PTPRD: variants seen among roughly 807,000 people sequenced by gnomAD.
PTPRD encodes the protein receptor-type tyrosine-protein phosphatase delta.
PTPRD carries 34 observed loss-of-function variants against 214.5 expected under a neutral mutation model. That is an observed-to-expected ratio of 0.16 (90% CI 0.12 to 0.21). PTPRD has a LOEUF of 0.21. Among genes scored for constraint, PTPRD ranks in the 10% least tolerant of loss-of-function variants. The pLI is 1.00. For missense variants in PTPRD, 2,545 were observed against 2,398.7 expected (o/e 1.06, Z -1.27); for synonymous variants, 1,128 against 845.7 (o/e 1.33, Z -5.79).
intron 43 of PTPRD, among the ~76,000 whole-genome samples, 164 bp from the exon 44 acceptor site, chr9:8,331,900 A>G (rs1841633589): frequency 6.6e-6 from 1 of 151,320 alleles, no homozygotes; most frequent in Admixed American, 6.6e-5. Flanking sequence ...TATCTGCTAT[A>G]AATATTGTCC....
At chr9:8,434,367 A>T (rs1457711480) in intron 35 of PTPRD, among the ~76,000 whole-genome samples, 1 of 152,148 alleles carries the variant, frequency 6.6e-6, no homozygotes, top group East Asian at 1.9e-4. Context: ...GCTGTAAAGG[A>T]TTGTAGCCTA....
rs2091418143 is a variant in PTPRD at position 10,243,031 on chromosome 9, CT to C, written c.-545+97931del. Among the ~76,000 whole-genome samples the C allele has an allele frequency of 2.0e-5, 3 of 152,036 alleles. No individual in the cohort carries two copies. In the South Asian group the frequency reaches 6.2e-4, roughly 32 times the overall value. ...TTCATACACATTTCTGGTTTTGTAA[CT>C]GCCTCTAAACTATAACTTTGATTTA... On this transcript the variant is annotated intron_variant, in intron 3 of 45. Coordinates refer to ENST00000381196, the MANE Select transcript of PTPRD (RefSeq NM_002839.4).
Position 9,242,635 on chromosome 9 carries a change from G to C in PTPRD, c.-202-59272C>G, listed in dbSNP as rs1303168728. ...CCCTTTCTTCCAGTTGATCGAATCA[G>C]CTACTGAAGCTTGTGCATTCGTCAC... is the stretch of plus-strand genomic sequence containing the variant. On this transcript the variant is annotated intron_variant, in intron 9 of 45. Coordinates refer to ENST00000381196, the MANE Select transcript of PTPRD (RefSeq NM_002839.4). Among the ~76,000 whole-genome samples the C allele has an allele frequency of 3.3e-5, 5 of 152,214 alleles. No individual in the cohort carries two copies. In the East Asian group the frequency reaches 9.7e-4, roughly 30 times the overall value.
chr9:8,483,216 T>C (rs1442663361), intron 30 of PTPRD, among the ~76,000 whole-genome samples: 2 of 152,246 alleles, frequency 1.3e-5, no homozygotes, highest in Non-Finnish European at 2.9e-5. Flanking sequence ...TATGCTGTGC[T>C]ACATTCAAAC....
chr9:9,408,977 G>C (rs2074477445), intron 8 of PTPRD, among the ~76,000 whole-genome samples: 1 of 151,898 alleles, frequency 6.6e-6, no homozygotes, highest in Non-Finnish European at 1.5e-5. Flanking sequence ...CCTTTTAAAA[G>C]ATCAGTATTT....
intron 9 of PTPRD, among the ~76,000 whole-genome samples, chr9:9,390,039 C>T (rs1353686019): frequency 1.3e-5 from 2 of 152,156 alleles, no homozygotes; most frequent in African/African-American, 4.8e-5. Context: ...GGTAGGGTGA[C>T]ATTTCAGCAG....
At chr9:9,476,336 G>A (rs1298366094) in intron 8 of PTPRD, among the ~76,000 whole-genome samples, 1 of 152,144 alleles carries the variant, frequency 6.6e-6, no homozygotes, top group Non-Finnish European at 1.5e-5. Flanking sequence ...GAATTACATG[G>A]TGTGAACAAA....
At chr9:9,572,850 C>A in intron 8 of PTPRD, among the ~76,000 whole-genome samples, 1 of 151,408 alleles carries the variant, frequency 6.6e-6, no homozygotes, top group East Asian at 1.9e-4. Context: ...TATAATACCC[C>A]TATTCACATA....
At chr9:9,349,970 G>A (rs528345533) in intron 9 of PTPRD, among the ~76,000 whole-genome samples, 4 of 152,168 alleles carry the variant, frequency 2.6e-5, no homozygotes, top group African/African-American at 7.2e-5. Context: ...AGGCTATCCA[G>A]TATCAGCATA....
At chr9:10,192,975 T>C (rs956969115) in intron 3 of PTPRD, among the ~76,000 whole-genome samples, 3 of 152,174 alleles carry the variant, frequency 2.0e-5, no homozygotes, top group Admixed American at 2.0e-4. Context: ...AAAATCCTTT[T>C]CTAGTATTTA....
chr9:9,155,111 T>C (rs1027924894), intron 10 of PTPRD, among the ~76,000 whole-genome samples: 3 of 152,186 alleles, frequency 2.0e-5, no homozygotes, highest in African/African-American at 7.2e-5. Flanking sequence ...TCTTATGTAG[T>C]ACGAAATGAC....
chr9:10,326,378 T>C (rs907206908), intron 3 of PTPRD, among the ~76,000 whole-genome samples: 3 of 151,774 alleles, frequency 2.0e-5, no homozygotes, highest in Non-Finnish European at 3.0e-5. Flanking sequence ...TGTGAATACA[T>C]TGATTTATTA....
At chr9:8,519,629 C>T (rs1236967774) in intron 20 of PTPRD, among the ~76,000 whole-genome samples, 1 of 152,134 alleles carries the variant, frequency 6.6e-6, no homozygotes, top group South Asian at 2.1e-4. Context: ...GCCTAGAATG[C>T]TGCCTGGCAC....
chr9:9,393,089 A>G (rs1490981432), intron 9 of PTPRD, among the ~76,000 whole-genome samples: 1 of 152,036 alleles, frequency 6.6e-6, no homozygotes, highest in Non-Finnish European at 1.5e-5. Context: ...TTTTTTACCC[A>G]ATAAATTGTT....
intron 5 of PTPRD, among the ~76,000 whole-genome samples, chr9:9,833,684 G>GT (rs1210886300): frequency 9.7e-5 from 14 of 144,876 alleles, no homozygotes; most frequent in African/African-American, 2.3e-4. Flanking sequence ...GCTCCGGAGA[G>GT]GGGGGCAGTT....
chr9:9,779,273 A>G (rs2098824602), intron 5 of PTPRD, among the ~76,000 whole-genome samples: 1 of 151,988 alleles, frequency 6.6e-6, no homozygotes, highest in Non-Finnish European at 1.5e-5. Flanking sequence ...CCTAGAAAAT[A>G]CACTTCCAGA....
chr9:9,726,124 A>G (rs1473073710), intron 7 of PTPRD, among the ~76,000 whole-genome samples: 1 of 152,198 alleles, frequency 6.6e-6, no homozygotes, highest in Non-Finnish European at 1.5e-5. Context: ...CAGAACATTG[A>G]CATTGCTATA....
chr9:9,050,567 G>C lies in PTPRD; in HGVS notation c.-142-31832C>G, dbSNP rs1260956674. Among the ~76,000 whole-genome samples the C allele has an allele frequency of 3.3e-5, 5 of 152,036 alleles. No individual in the cohort carries two copies. The East Asian group carries it at 7.7e-4, about 23-fold the overall frequency. ...CACCTGCAGTTTGAACATATTAAAT[G>C]AAAAAATCTAGCAATAAAAATTGTA... On this transcript the variant is annotated intron_variant, in intron 10 of 45. Transcript: ENST00000381196.
At chr9:8,320,608 T>G (rs1826386967) in intron 44 of PTPRD, among the ~76,000 whole-genome samples, 2 of 152,022 alleles carry the variant, frequency 1.3e-5, no homozygotes, top group South Asian at 4.1e-4. Flanking sequence ...TTCTTATTTC[T>G]TGAGACTTAG....
Sources: gnomAD v4.1 joint callset for allele counts (sites outside exome capture counted in the v4.1 genomes callset) on GRCh38, gnomAD v4.1.1 for gene constraint, MANE v1.5 for transcripts, NCBI Gene and HGNC (gene_info 2026-07-23, HGNC 2026-07-21) for gene names.